The following TMEM114 variants were observed in gnomAD, a reference collection of about 807,000 sequenced individuals.
TMEM114 encodes transmembrane protein 114.
TMEM114 carries 6 observed loss-of-function variants against 6.2 expected under a neutral mutation model. The ratio of observed to expected loss-of-function variants is 0.97; its 90% CI spans 0.53 to 1.91. TMEM114 has a LOEUF of 1.91. TMEM114 is among the 40% of genes most tolerant of loss of function. TMEM114 has a pLI of 0.01. For missense variants in TMEM114, 218 were observed against 158.3 expected (o/e 1.38, Z -2.02); for synonymous variants, 104 against 73.0 (o/e 1.42, Z -2.16).
At chr16:8,547,393 TTTC>T (rs572865648) in intron 2 of TMEM114, among the ~76,000 whole-genome samples, 10,954 of 142,980 alleles carry the variant, frequency 0.077, 400 homozygotes, top group Middle Eastern at 0.15. Flanking sequence ...TCTTTCTTTC[TTTC>T]TTTTTTTTTT....
rs1247649707 is a variant in TMEM114 at position 8,542,753 on chromosome 16, A to T, written n.213-4927T>A. ...AATTGGAGCCTGGGGTTAGTGGGTT[A>T]TCTGAGGGAACTGGGATATTTCCAA... On this transcript the variant is annotated intron_variant and non_coding_transcript_variant, in intron 2 of 2. Transcript: ENST00000623677. Among the ~76,000 whole-genome samples the T allele has an allele frequency of 2.6e-5, 4 of 152,234 alleles. No individual in the cohort carries two copies. The East Asian group carries it at 7.7e-4, about 29-fold the overall frequency.
chr16:8,546,762 G>T (rs1320821618), intron 2 of TMEM114, among the ~76,000 whole-genome samples: 1 of 152,190 alleles, frequency 6.6e-6, no homozygotes, highest in African/African-American at 2.4e-5. Flanking sequence ...GACAACAGCT[G>T]CAATCAGAGC....
chr16:8,526,628 A>C, the TMEM114 span: 1 of 152,392 alleles, frequency 6.6e-6, no homozygotes, highest in African/African-American at 2.4e-5. Flanking sequence ...CATGATTGTA[A>C]GTTTCCTGAG....
chr16:8,561,437 G>C (rs1257460754), intron 2 of TMEM114, among the ~76,000 whole-genome samples: 1 of 152,174 alleles, frequency 6.6e-6, no homozygotes, highest in African/African-American at 2.4e-5. Flanking sequence ...TTTACTGTCT[G>C]TCATACCCGT....
At chr16:8,558,788 T>A (rs1397296471) in intron 2 of TMEM114, among the ~76,000 whole-genome samples, 1 of 151,744 alleles carries the variant, frequency 6.6e-6, no homozygotes, top group Non-Finnish European at 1.5e-5. Flanking sequence ...TCACCCAGGC[T>A]GGAGTGCAAT....
At position 8,585,584 on chromosome 16, in the gene TMEM114, G is replaced by A. The variant is rs80185409; in HGVS notation, c.301+3629C>T. Among the ~76,000 whole-genome samples the A allele has an allele frequency of 3.8e-4, 58 of 151,872 alleles. No individual in the cohort carries two copies. The East Asian group carries it at 9.3e-3, about 24-fold the overall frequency. On this transcript the variant is annotated intron_variant, in intron 2 of 3. Transcript: ENST00000620492. ...ACATCTTCATATAATAGAAGAGCTTGGACCAAACTCAAAATTCATTTTGGA... is the reference window on the plus strand; with the variant it reads ...ACATCTTCATATAATAGAAGAGCTTAGACCAAACTCAAAATTCATTTTGGA...
intron 2 of TMEM114, among the ~76,000 whole-genome samples, chr16:8,551,056 C>A (rs546647639): frequency 6.6e-6 from 1 of 152,314 alleles, no homozygotes; most frequent in East Asian, 1.9e-4. Flanking sequence ...CCATCCTGTT[C>A]GCTCACTCTT....
chr16:8,557,322 A>G (rs1192105459), intron 2 of TMEM114, among the ~76,000 whole-genome samples: 1 of 152,052 alleles, frequency 6.6e-6, no homozygotes, highest in Non-Finnish European at 1.5e-5. Flanking sequence ...TAAGCCTCCC[A>G]AAAGCCCTGA....
rs1033272102 is a variant in TMEM114, at chr16:8,569,816, G to T, written c.629C>A (p.Ala210Asp). The change falls in exon 4 of 4, where the codon GCC (alanine) becomes GAC (aspartate). Residue 210 changes from alanine to aspartate, a missense_variant. Coordinates refer to ENST00000620492, the MANE Select transcript of TMEM114 (RefSeq NM_001146336.2). ...LLTGAAFLAA[A>D]RELSLRRRQD... Reference sequence around the variant, plus strand: ...CCTCCGTCTCAGGCTGAGCTCGCGGGCTGCTGCCAGGAAGGCTGCCCCGGT... The same window carrying T: ...CCTCCGTCTCAGGCTGAGCTCGCGGTCTGCTGCCAGGAAGGCTGCCCCGGT... 10 of 1,550,794 alleles carry T rather than the reference G, an allele frequency of 6.4e-6. No individual in the cohort carries two copies. The African/African-American group carries it at 1.1e-4, about 17-fold the overall frequency.
chr16:8,581,043 C>A (rs1249545857), intron 2 of TMEM114, among the ~76,000 whole-genome samples: 1 of 152,154 alleles, frequency 6.6e-6, no homozygotes, highest in Non-Finnish European at 1.5e-5. Context: ...CCATCCACAG[C>A]ACCCCACAAT....
At chr16:8,558,944 C>A (rs1438803216) in intron 2 of TMEM114, among the ~76,000 whole-genome samples, 1 of 151,672 alleles carries the variant, frequency 6.6e-6, no homozygotes, top group Non-Finnish European at 1.5e-5. Context: ...GGGGTTTCAC[C>A]ATGTTAGCCA....
intron 2 of TMEM114, among the ~76,000 whole-genome samples, chr16:8,541,907 A>G (rs910494659): frequency 6.6e-6 from 1 of 152,204 alleles, no homozygotes; most frequent in African/African-American, 2.4e-5. Flanking sequence ...ACAGGCTCCA[A>G]TTCCCCTGTT....
intron 2 of TMEM114, among the ~76,000 whole-genome samples, chr16:8,558,934 G>A (rs960386401): frequency 6.6e-6 from 1 of 150,968 alleles, no homozygotes; most frequent in Non-Finnish European, 1.5e-5. Flanking sequence ...TAGTAGAGAC[G>A]GGGTTTCACC....
chr16:8,572,359 A>T, intron 2 of TMEM114, 135 bp from the exon 3 acceptor site: 1 of 909,446 alleles, frequency 1.1e-6, no homozygotes, highest in Non-Finnish European at 1.7e-6. Context: ...GATTACTTCT[A>T]CTGTTTCTGA....
chr16:8,582,652 G>A (rs1210980398), intron 2 of TMEM114, among the ~76,000 whole-genome samples: 2 of 152,182 alleles, frequency 1.3e-5, no homozygotes, highest in African/African-American at 4.8e-5. Flanking sequence ...CACTTTGGGA[G>A]GCCGAGGCGG....
At chr16:8,557,240 T>G (rs978963839) in intron 2 of TMEM114, among the ~76,000 whole-genome samples, 1 of 152,134 alleles carries the variant, frequency 6.6e-6, no homozygotes, top group African/African-American at 2.4e-5. Context: ...CTTCTGAGAC[T>G]AGGTCACAAA....
the TMEM114 span, among the ~76,000 whole-genome samples, chr16:8,529,623 T>G: frequency 6.6e-6 from 1 of 152,074 alleles, no homozygotes; most frequent in Non-Finnish European, 1.5e-5. Context: ...CCTACATTGA[T>G]AATTAGCTTC....
intron 2 of TMEM114, among the ~76,000 whole-genome samples, chr16:8,552,899 G>T (rs915244257): frequency 2.6e-5 from 4 of 152,110 alleles, no homozygotes; most frequent in African/African-American, 9.7e-5. Flanking sequence ...TGATTCTGAA[G>T]TCGTCTTTGA....
Position 8,577,449 on chromosome 16 carries a change from C to A in TMEM114, c.302-5225G>T, listed in dbSNP as rs561973611. ...CCAGACACTCTTACTCACCATGTGA[C>A]CTTAGGTAAGTCCCTTCACCTCTGT... On this transcript the variant is annotated intron_variant, in intron 2 of 3. Transcript: ENST00000620492. Among the ~76,000 whole-genome samples, 344 of 152,326 alleles carry A rather than the reference C, an allele frequency of 2.3e-3. 2 individuals carry two copies. The highest frequency in any genetic ancestry group is 1.1e-3 in the Non-Finnish European group (74 of 68,038).
Sources: gnomAD v4.1 joint callset for allele counts (sites outside exome capture counted in the v4.1 genomes callset) on GRCh38, gnomAD v4.1.1 for gene constraint, MANE v1.5 for transcripts, NCBI Gene and HGNC (gene_info 2026-07-23, HGNC 2026-07-21) for gene names.